Variants in RAB6A observed in about 807,000 individuals in gnomAD.
RAB6A encodes ras-related protein Rab-6A.
RAB6A carries 8 observed loss-of-function variants against 32.3 expected under a neutral mutation model. The observed-to-expected ratio is 0.25, with a 90% confidence interval of 0.15 to 0.45. The LOEUF is 0.45. Among genes scored for constraint, RAB6A ranks in the 20% least tolerant of loss-of-function variants. RAB6A has a pLI of 1.00. For missense variants in RAB6A, 104 were observed against 249.4 expected (o/e 0.42, Z 3.93); for synonymous variants, 73 against 82.1 (o/e 0.89, Z 0.60).
intron 5 of RAB6A, among the ~76,000 whole-genome samples, chr11:73,707,798 C>T (rs1320048423): frequency 6.6e-6 from 1 of 151,984 alleles, no homozygotes; most frequent in African/African-American, 2.4e-5. Context: ...TGAGGATGCT[C>T]GAGCCCAGGA....
chr11:73,703,570 T>C (rs1371326667), intron 6 of RAB6A, among the ~76,000 whole-genome samples: 1 of 151,974 alleles, frequency 6.6e-6, no homozygotes, highest in Non-Finnish European at 1.5e-5. Context: ...GGCAAAACCC[T>C]GTCTCTACAA....
Position 73,752,597 on chromosome 11 carries a change from CGCATGA to C in RAB6A, c.70+7963_70+7968del, listed in dbSNP as rs1351673189. On this transcript the variant is annotated intron_variant, in intron 1 of 7. Coordinates refer to ENST00000336083, the MANE Select transcript of RAB6A (RefSeq NM_198896.2). ...TCTGGGAGACCGAGGCCAGGCAGATCGCATGAGCTCAGGAATTCGAGATGAGCCTGG... is the reference window on the plus strand; with the variant it reads ...TCTGGGAGACCGAGGCCAGGCAGATCGCTCAGGAATTCGAGATGAGCCTGG... Among the ~76,000 whole-genome samples, 6 of 152,134 alleles carry C rather than the reference CGCATGA, an allele frequency of 3.9e-5. No homozygotes were observed. The East Asian group carries it at 1.2e-3, about 29-fold the overall frequency.
At chr11:73,713,295 G>A (rs749169385) in intron 5 of RAB6A, among the ~76,000 whole-genome samples, 7 of 152,216 alleles carry the variant, frequency 4.6e-5, no homozygotes, top group Non-Finnish European at 1.0e-4. Flanking sequence ...TCAGGGCTGG[G>A]TGTGGTGGCT....
At chr11:73,718,950 A>G in intron 3 of RAB6A, 2 of 1,445,382 alleles carry the variant, frequency 1.4e-6, no homozygotes, top group South Asian at 2.5e-5. Flanking sequence ...AAAAAGAAAA[A>G]AGAAACAATG....
chr11:73,739,284 A>AAAAATATATATATATATAT (rs1208877325), intron 1 of RAB6A, among the ~76,000 whole-genome samples: 2 of 6,758 alleles, frequency 3.0e-4, no homozygotes, highest in Non-Finnish European at 6.9e-4. Flanking sequence ...AAAAAAAAAA[A>AAAAATATATATATATATAT]ATATATATAT....
intron 6 of RAB6A, among the ~76,000 whole-genome samples, chr11:73,692,018 T>C (rs1945574745): frequency 1.3e-5 from 2 of 152,094 alleles, no homozygotes; most frequent in Admixed American, 1.3e-4. Flanking sequence ...ATGTTTATAT[T>C]AGTGCCTTTA....
At chr11:73,732,446 C>CGTG (rs1198875714) in intron 1 of RAB6A, among the ~76,000 whole-genome samples, 1 of 152,092 alleles carries the variant, frequency 6.6e-6, no homozygotes, top group Non-Finnish European at 1.5e-5. Flanking sequence ...ATTAGCCAGG[C>CGTG]GTGGTGGCGG....
intron 2 of RAB6A, chr11:73,730,263 TAA>T (rs1353109000): frequency 6.5e-6 from 1 of 152,882 alleles, no homozygotes; most frequent in Non-Finnish European, 1.5e-5. Context: ...TTGTATACCA[TAA>T]GTTTTGGTGT....
chr11:73,720,394 C>G (rs965477149), intron 3 of RAB6A, among the ~76,000 whole-genome samples: 1 of 151,878 alleles, frequency 6.6e-6, no homozygotes, highest in African/African-American at 2.4e-5. Context: ...GTTGGCCAAG[C>G]TGGTCTCAAA....
intron 1 of RAB6A, chr11:73,760,105 C>T (rs1164015715): frequency 1.5e-6 from 2 of 1,291,250 alleles, no homozygotes; most frequent in African/African-American, 3.0e-5. Flanking sequence ...ACGCCCAGAT[C>T]CCACCCTCCT....
At chr11:73,712,846 T>G (rs1050279281) in intron 5 of RAB6A, among the ~76,000 whole-genome samples, 1 of 150,212 alleles carries the variant, frequency 6.7e-6, no homozygotes, top group Non-Finnish European at 1.5e-5. Context: ...GCCACCCAAG[T>G]AGCTGGGATT....
intron 2 of RAB6A, among the ~76,000 whole-genome samples, chr11:73,724,537 G>C (rs939032602): frequency 6.8e-6 from 1 of 147,798 alleles, no homozygotes; most frequent in Non-Finnish European, 1.5e-5. Flanking sequence ...CCAGGCTGGA[G>C]TGCAGTGGCT....
At chr11:73,714,927 C>T (rs1946030771) in intron 5 of RAB6A, among the ~76,000 whole-genome samples, 1 of 152,124 alleles carries the variant, frequency 6.6e-6, no homozygotes, top group African/African-American at 2.4e-5. Flanking sequence ...GATCACACCA[C>T]TGCATTCCAG....
At chr11:73,679,753 G>A in intron 6 of RAB6A, 33 bp from the exon 7 acceptor site, 1 of 1,612,512 alleles carries the variant, frequency 6.2e-7, no homozygotes, top group African/African-American at 1.3e-5. Flanking sequence ...ATAACTGAGA[G>A]GGAACATTTA....
intron 1 of RAB6A, among the ~76,000 whole-genome samples, chr11:73,738,935 C>A (rs371453951): frequency 2.0e-5 from 3 of 151,658 alleles, no homozygotes; most frequent in East Asian, 3.9e-4. Context: ...CAGAGTGAGA[C>A]TCCTGTCTCA....
intron 6 of RAB6A, among the ~76,000 whole-genome samples, chr11:73,680,085 G>C (rs187775994): frequency 6.6e-6 from 1 of 151,816 alleles, no homozygotes; most frequent in Non-Finnish European, 1.5e-5. Flanking sequence ...GCAACAGGGC[G>C]AGACTCTGTC....
At chr11:73,753,276 T>C (rs1486629232) in intron 1 of RAB6A, among the ~76,000 whole-genome samples, 1 of 152,036 alleles carries the variant, frequency 6.6e-6, no homozygotes, top group Non-Finnish European at 1.5e-5. Context: ...GGCCACTCAC[T>C]GCAACCTCTG....
chr11:73,694,764 A>T (rs1232660301), intron 6 of RAB6A, among the ~76,000 whole-genome samples: 6 of 152,222 alleles, frequency 3.9e-5, no homozygotes, highest in Non-Finnish European at 7.3e-5. Context: ...CTATAATTCC[A>T]GCACTCTGGG....
Position 73,677,570 on chromosome 11 carries a change from A to G in RAB6A, c.*328T>C. 1 of 565,908 alleles carries G rather than the reference A, an allele frequency of 1.8e-6. No homozygotes were observed. 35.1% of individuals were successfully genotyped at this position (565,908 alleles called of 1,614,324 possible). On this transcript the variant is annotated 3_prime_UTR_variant, in exon 8 of 8. Coordinates refer to ENST00000336083, the MANE Select transcript of RAB6A (RefSeq NM_198896.2). ...CGCTCGTTAACCAAGCCATACTCAT[A>G]CTGTTGAGATTTCCATCATTTTGAA... is the stretch of plus-strand genomic sequence containing the variant.
Sources: gnomAD v4.1 joint callset for allele counts (sites outside exome capture counted in the v4.1 genomes callset) on GRCh38, gnomAD v4.1.1 for gene constraint, MANE v1.5 for transcripts, NCBI Gene and HGNC (gene_info 2026-07-23, HGNC 2026-07-21) for gene names.